The following CCDC9 variants were observed in gnomAD, a reference collection of about 807,000 sequenced individuals.
CCDC9 encodes the protein coiled-coil domain containing 9, also known as coiled-coil domain-containing protein 9.
CCDC9 carries 52 observed loss-of-function variants against 65.6 expected under a neutral mutation model. That is an observed-to-expected ratio of 0.79 (90% CI 0.63 to 1.00). The LOEUF (loss-of-function observed/expected upper bound fraction) is 1.00, where lower values mean the gene tolerates loss of function less well. Ranked by LOEUF, CCDC9 falls within the 50% of genes least tolerant of loss-of-function variation. The pLI, the probability that CCDC9 is intolerant of heterozygous loss-of-function variation, is 0.00. For synonymous variants in CCDC9, 332 were observed against 280.3 expected (o/e 1.18, Z -1.84); for missense variants, 834 against 757.2 (o/e 1.10, Z -1.19).
At chr19:47,261,743 C>G (rs1010432164) in intron 5 of CCDC9, among the ~76,000 whole-genome samples, 1 of 132,432 alleles carries the variant, frequency 7.6e-6, no homozygotes, top group African/African-American at 2.8e-5. Flanking sequence ...AAATGCTGGG[C>G]GTGGTGGCTC....
In CCDC9 at chr19:47,264,773, G is replaced by T. The variant is rs2059069552; in HGVS notation, c.547G>T (p.Glu183Ter). The change falls in exon 7 of 12, where the codon GAA (glutamate) becomes TAA (stop). Residue 183 changes from glutamate to a stop codon, truncating the protein, a stop_gained and splice_region_variant. Coordinates refer to ENST00000221922, the MANE Select transcript of CCDC9 (RefSeq NM_015603.3). LOFTEE classifies it high-confidence loss of function. ...CAACCCCCTGCTCTGCTGCCTGCAG[G>T]AAGGGGTTCTTGAACCCAACCCAGT... The part of the protein sequence containing the change: ...KIAEYERNQR[E>*]GVLEPNPVRN... The T allele has an allele frequency of 6.2e-7, 1 of 1,605,056 alleles. No homozygotes were observed. Among genetic ancestry groups the T allele is most frequent in the Admixed American group, 1.7e-5 (1 of 59,086 alleles).
chr19:47,275,262 C>A (rs1351018156), downstream of CCDC9: 1 of 1,540,780 alleles, frequency 6.5e-7, no homozygotes, highest in Admixed American at 2.0e-5. Flanking sequence ...GAGCCGCCGC[C>A]GCCGCTACAG....
Position 47,271,850 on chromosome 19 carries a change from C to T in CCDC9, c.*172C>T. ...CCTGTCAGCTGAGGGGGTAGCGCAG[C>T]CCATGCTCTTCTGTACTGTCATGCC... is the stretch of plus-strand genomic sequence containing the variant. On this transcript the variant is annotated 3_prime_UTR_variant, in exon 12 of 12. Coordinates refer to ENST00000221922, the MANE Select transcript of CCDC9 (RefSeq NM_015603.3). 2 of 1,404,110 alleles carry T rather than the reference C, an allele frequency of 1.4e-6. No individual in the cohort carries two copies. The highest frequency in any genetic ancestry group is 9.2e-7 in the Non-Finnish European group (1 of 1,083,308). The allele number at this position is 1,404,110 out of a possible 1,614,324, so 87.0% of individuals were successfully genotyped here.
chr19:47,261,193 C>T (rs182968219), intron 5 of CCDC9, among the ~76,000 whole-genome samples: 3 of 152,082 alleles, frequency 2.0e-5, no homozygotes, highest in East Asian at 1.9e-4. Context: ...CCCTTTTTCT[C>T]GCTCTCTGGT....
chr19:47,269,388 T>G (rs1320156664), intron 8 of CCDC9, among the ~76,000 whole-genome samples: 1 of 152,052 alleles, frequency 6.6e-6, no homozygotes, highest in East Asian at 1.9e-4. Flanking sequence ...TGAGTCTTGC[T>G]GTGTTGCCCA....
rs768449354 is a variant in CCDC9 at position 47,264,735 on chromosome 19, G to A, written c.547-38G>A. 1.5e-5 allele frequency: 24 copies of A among 1,603,090 alleles called. 1 individual carries two copies. The highest frequency in any genetic ancestry group is 1.8e-5 in the Non-Finnish European group (21 of 1,175,372). On this transcript the variant is annotated intron_variant, in intron 6 of 11. Transcript: ENST00000221922. ...GGCAGGGCCGAGCTGCCTGGGCTGC[G>A]GGGAGCCCGCGCCAACCCCCTGCTC...
chr19:47,271,353 G>C lies in CCDC9; in HGVS notation c.1271G>C (p.Trp424Ser). ...EENEGEEDEE[W>S]EDISEDEEEE... ...AATGAGGGGGAAGAGGATGAAGAAT[G>C]GGAGGACATAAGTGAGGATGAGGAA... Residue 424 changes from tryptophan to serine, a missense_variant, in exon 12 of 12, where the codon TGG (tryptophan) becomes TCG (serine). Trp to Ser is a radical substitution (Grantham distance 177, BLOSUM62 -3). Coordinates refer to ENST00000221922, the MANE Select transcript of CCDC9 (RefSeq NM_015603.3). 1 of 1,613,646 alleles carries C rather than the reference G, an allele frequency of 6.2e-7. No homozygotes were observed. Among genetic ancestry groups the C allele is most frequent in the Non-Finnish European group, 8.5e-7 (1 of 1,179,808 alleles).
At chr19:47,258,283 G>T in intron 1 of CCDC9, 47 bp from the exon 2 acceptor site, 1 of 1,046,386 alleles carries the variant, frequency 9.6e-7, no homozygotes, top group Non-Finnish European at 1.5e-6. Flanking sequence ...GGGTGAAGTA[G>T]GTTGGGGGGC....
Position 47,266,812 on chromosome 19 carries a change from C to G in CCDC9, c.902+20C>G, listed in dbSNP as rs751412718. ...TGGGATGTGAGTCTCCTCCCCGCTC[C>G]TCTCCCCATGTGGCACGTTGACCTT... On this transcript the variant is annotated intron_variant, in intron 8 of 11. Transcript: ENST00000221922. The G allele has an allele frequency of 6.3e-7, 1 of 1,592,416 alleles. No individual in the cohort carries two copies. Among genetic ancestry groups the G allele is most frequent in the South Asian group, 1.1e-5 (1 of 87,482 alleles).
downstream of CCDC9, chr19:47,273,487 C>T (rs1157858328): frequency 2.7e-6 from 2 of 739,240 alleles, no homozygotes; most frequent in Non-Finnish European, 1.9e-6. Flanking sequence ...GCGGCCTCCG[C>T]GCTCTGCACT....
intron 5 of CCDC9, 66 bp from the exon 6 acceptor site, chr19:47,264,537 C>T (rs997422532): frequency 2.3e-5 from 33 of 1,455,764 alleles, no homozygotes; most frequent in Admixed American, 3.9e-5. Flanking sequence ...CTGGGCAGCC[C>T]GTCTCCTGCA....
At chr19:47,273,959 C>T (rs1406777004), downstream of CCDC9, 1 of 984,374 alleles carries the variant, frequency 1.0e-6, no homozygotes, top group East Asian at 1.1e-4. Flanking sequence ...CCTCCCCCCT[C>T]CCGCAGGCCT....
chr19:47,264,048 T>C (rs2059063320), intron 5 of CCDC9, among the ~76,000 whole-genome samples: 1 of 151,098 alleles, frequency 6.6e-6, no homozygotes, highest in Admixed American at 6.6e-5. Context: ...TTGGCTAATT[T>C]TTTTCGTATT....
At position 47,266,705 on chromosome 19, in the gene CCDC9, A is replaced by G. The variant is rs144789929; in HGVS notation, c.815A>G (p.Glu272Gly). ...SEYLRWKQER[E>G]KIDQERLQRH... ...TACCTGCGCTGGAAGCAGGAGAGGG[A>G]GAAGATCGACCAGGAGCGGCTGCAG... is the stretch of plus-strand genomic sequence containing the variant. The change falls in exon 8 of 12, where the codon GAG becomes GGG. Residue 272 changes from glutamate (E) to glycine (G), a missense_variant. By Grantham distance (98) the Glu-to-Gly change is moderately conservative. Coordinates refer to ENST00000221922, the MANE Select transcript of CCDC9 (RefSeq NM_015603.3). 13 of 1,611,278 alleles carry G rather than the reference A, an allele frequency of 8.1e-6. No individual in the cohort carries two copies. The highest frequency in any genetic ancestry group is 9.3e-6 in the Non-Finnish European group (11 of 1,178,870).
chr19:47,274,118 G>T (rs2059141349), downstream of CCDC9: 1 of 395,236 alleles, frequency 2.5e-6, no homozygotes, highest in African/African-American at 2.2e-5. Flanking sequence ...TAGGGAGAGG[G>T]AAAAGCTGAC....
chr19:47,266,527 C>T lies in CCDC9; in HGVS notation c.721-84C>T, dbSNP rs2059083291. The stretch of plus-strand genomic sequence containing the variant: ...CCTTGTCATCGCTTCCCTGTGTGAT[C>T]CTGAGCAAGTGGATGTGCCTCGGGG... On this transcript the variant is annotated intron_variant, in intron 7 of 11. Transcript: ENST00000221922. The T allele has an allele frequency of 2.2e-5, 32 of 1,439,346 alleles. 2 individuals carry two copies. In the South Asian group the frequency reaches 4.5e-4, roughly 20 times the overall value. The allele number at this position is 1,439,346 out of a possible 1,614,324, so 89.2% of individuals were successfully genotyped here.
intron 5 of CCDC9, among the ~76,000 whole-genome samples, chr19:47,262,288 C>T (rs1193971862): frequency 6.7e-6 from 1 of 149,118 alleles, no homozygotes; most frequent in African/African-American, 2.5e-5. Context: ...ATGATCTTGG[C>T]TCACTGCAAC....
downstream of CCDC9, chr19:47,273,470 C>G (rs914936657): frequency 2.9e-6 from 3 of 1,034,664 alleles, no homozygotes; most frequent in East Asian, 9.8e-5. Context: ...ACCGCGCCCG[C>G]CGGACCGCGG....
chr19:47,256,965 C>T (rs552824507), intron 1 of CCDC9, among the ~76,000 whole-genome samples: 4 of 149,672 alleles, frequency 2.7e-5, no homozygotes, highest in African/African-American at 7.4e-5. Flanking sequence ...GGAAGTGGGT[C>T]CAGATTCTTG....
Sources: gnomAD v4.1 joint callset for allele counts (sites outside exome capture counted in the v4.1 genomes callset) on GRCh38, gnomAD v4.1.1 for gene constraint, MANE v1.5 for transcripts, NCBI Gene and HGNC (gene_info 2026-07-23, HGNC 2026-07-21) for gene names.